RNF150: variants seen among roughly 807,000 people sequenced by gnomAD.
The protein encoded by RNF150 is ring finger protein 150.
Under a neutral mutation model 39.3 loss-of-function variants are expected in RNF150, and 24 were observed. The observed-to-expected ratio is 0.61, with a 90% CI of 0.44 to 0.86. RNF150 has a LOEUF of 0.86. Ranked by LOEUF, RNF150 falls within the 40% of genes least tolerant of loss-of-function variation. The pLI is 0.00. For missense variants in RNF150, 502 were observed against 587.8 expected, an observed-to-expected ratio of 0.85 and a Z score of 1.51; for synonymous variants, 255 against 227.3, an observed-to-expected ratio of 1.12 and a Z score of -1.10.
At chr4:141,147,729 G>A (rs1727226562) in intron 1 of RNF150, among the ~76,000 whole-genome samples, 1 of 152,126 alleles carries the variant, frequency 6.6e-6, no homozygotes, top group East Asian at 1.9e-4. Flanking sequence ...TTAGAGCATA[G>A]CTGAGAGAGA....
At chr4:141,175,289 T>C (rs755199389) in intron 1 of RNF150, among the ~76,000 whole-genome samples, 2 of 152,238 alleles carry the variant, frequency 1.3e-5, no homozygotes, top group Admixed American at 1.3e-4. Flanking sequence ...CCAGGCACTG[T>C]TCTTGGACTG....
intron 6 of RNF150, among the ~76,000 whole-genome samples, chr4:140,893,512 C>T (rs1729832148): frequency 6.6e-6 from 1 of 152,166 alleles, no homozygotes; most frequent in African/African-American, 2.4e-5. Context: ...GCAGCGAGCT[C>T]AAGTGTTTCA....
At chr4:141,100,559 G>A (rs551637181) in intron 1 of RNF150, among the ~76,000 whole-genome samples, 1 of 152,114 alleles carries the variant, frequency 6.6e-6, no homozygotes, top group Non-Finnish European at 1.5e-5. Flanking sequence ...CGGTTTTATT[G>A]CATCCTTTCC....
At position 140,875,476 on chromosome 4, in the gene RNF150, C is replaced by CTCAAATAA. The variant is rs1729120207; in HGVS notation, c.1199-7098_1199-7097insTTATTTGA. On this transcript the variant is annotated intron_variant, in intron 6 of 6. Coordinates refer to ENST00000515673, the MANE Select transcript of RNF150 (RefSeq NM_020724.2). ...CAGGGGTGAGCCACCATACCTGGCCCATAATCTGTTCTTGAGTTGAGATTC... is the reference window on the plus strand; with the variant it reads ...CAGGGGTGAGCCACCATACCTGGCCCTCAAATAAATAATCTGTTCTTGAGTTGAGATTC... 2.6e-5 allele frequency among the ~76,000 whole-genome samples: 4 copies of CTCAAATAA among 152,256 alleles called. No homozygotes were observed. The South Asian group carries it at 8.3e-4, about 32-fold the overall frequency.
intron 1 of RNF150, among the ~76,000 whole-genome samples, chr4:141,110,865 T>C (rs1295356563): frequency 6.6e-6 from 1 of 152,164 alleles, no homozygotes; most frequent in Non-Finnish European, 1.5e-5. Flanking sequence ...TTATATTTTC[T>C]CTCCTGCAAC....
At chr4:140,941,430 A>G (rs908092438) in intron 4 of RNF150, among the ~76,000 whole-genome samples, 66 of 152,212 alleles carry the variant, frequency 4.3e-4, no homozygotes, top group African/African-American at 1.5e-3. Context: ...GAAATAGTGC[A>G]TGTTTTTAGT....
chr4:140,881,414 T>G (rs1729368635), intron 6 of RNF150, among the ~76,000 whole-genome samples: 1 of 152,232 alleles, frequency 6.6e-6, no homozygotes, highest in South Asian at 2.1e-4. Context: ...TCCATCTGCC[T>G]CAGCCTCCCA....
intron 1 of RNF150, among the ~76,000 whole-genome samples, chr4:141,164,260 G>A (rs1335140250): frequency 1.3e-5 from 2 of 151,566 alleles, no homozygotes; most frequent in Non-Finnish European, 2.9e-5. Context: ...AGAGAAAAAA[G>A]AATGAAAAGG....
Position 141,149,572 on chromosome 4 carries a change from C to T in RNF150, c.-6+63222G>A, listed in dbSNP as rs1026879062. On this transcript the variant is annotated intron_variant, in intron 1 of 7. Coordinates refer to the RNF150 transcript ENST00000420921. Reference sequence around the variant, plus strand: ...TGATGCAAATGCCATTATTTTGTTCCTTTATATGGCTGAGTACTATTCCAT... The same window carrying T: ...TGATGCAAATGCCATTATTTTGTTCTTTTATATGGCTGAGTACTATTCCAT... 3.4e-4 allele frequency among the ~76,000 whole-genome samples: 51 copies of T among 152,234 alleles called. No individual in the cohort carries two copies. In the Middle Eastern group the frequency reaches 0.01, roughly 30 times the overall value.
intron 1 of RNF150, among the ~76,000 whole-genome samples, chr4:141,138,527 T>A (rs1727064363): frequency 6.6e-6 from 1 of 152,214 alleles, no homozygotes; most frequent in African/African-American, 2.4e-5. Flanking sequence ...ATTATTTTTT[T>A]AATCAATTTT....
intron 1 of RNF150, among the ~76,000 whole-genome samples, chr4:141,141,326 T>C (rs1394301247): frequency 6.6e-6 from 1 of 152,228 alleles, no homozygotes; most frequent in Non-Finnish European, 1.5e-5. Context: ...ATTCTGTTAA[T>C]GAGGTCATGT....
Position 140,933,103 on chromosome 4 carries a change from A to G in RNF150, c.891-7030T>C, listed in dbSNP as rs1447083806. Among the ~76,000 whole-genome samples, 5 of 152,208 alleles carry G rather than the reference A, an allele frequency of 3.3e-5. No homozygotes were observed. The South Asian group carries it at 8.3e-4, about 25-fold the overall frequency. The stretch of plus-strand genomic sequence containing the variant: ...TGCTTCATTAGTAAGTGTTCAGGGG[A>G]TAATGGTAATATTAACTATTTTAAA... On this transcript the variant is annotated intron_variant, in intron 4 of 6. Transcript: ENST00000515673.
chr4:141,075,801 T>A (rs1447671566), intron 1 of RNF150, among the ~76,000 whole-genome samples: 1 of 152,178 alleles, frequency 6.6e-6, no homozygotes, highest in Non-Finnish European at 1.5e-5. Flanking sequence ...TAGCAGAAGA[T>A]AATTTTCTCA....
chr4:141,212,594 AT>A (rs1728488362), intron 1 of RNF150, among the ~76,000 whole-genome samples: 1 of 152,016 alleles, frequency 6.6e-6, no homozygotes, highest in Non-Finnish European at 1.5e-5. Context: ...GTGTGGCAAG[AT>A]TTTTTTCTAA....
At chr4:141,086,127 G>A (rs1180811585) in intron 1 of RNF150, among the ~76,000 whole-genome samples, 1 of 151,920 alleles carries the variant, frequency 6.6e-6, no homozygotes, top group African/African-American at 2.4e-5. Flanking sequence ...TTGCCAAGGG[G>A]TGGGAGAAGA....
intron 1 of RNF150, among the ~76,000 whole-genome samples, chr4:141,045,559 TTGAAACG>T (rs1736543493): frequency 1.3e-5 from 2 of 152,140 alleles, no homozygotes; most frequent in African/African-American, 4.8e-5. Context: ...TATTTATTTT[TTGAAACG>T]GAGTTTCGTT....
intron 1 of RNF150, among the ~76,000 whole-genome samples, chr4:141,005,112 C>T (rs1734814914): frequency 6.6e-6 from 1 of 152,116 alleles, no homozygotes; most frequent in Admixed American, 6.5e-5. Context: ...AGTATGACCC[C>T]ATGATTTCTG....
intron 1 of RNF150, among the ~76,000 whole-genome samples, chr4:141,157,739 A>C (rs959404625): frequency 2.6e-5 from 4 of 152,194 alleles, no homozygotes; most frequent in African/African-American, 9.6e-5. Context: ...TCCTATTTGC[A>C]ACGTGCATTA....
At chr4:141,039,224 T>C (rs1736264979) in intron 1 of RNF150, among the ~76,000 whole-genome samples, 1 of 152,076 alleles carries the variant, frequency 6.6e-6, no homozygotes, top group African/African-American at 2.4e-5. Context: ...GAAATCTAAG[T>C]AGAGAACGCA....
Sources: allele counts gnomAD v4.1 joint callset (sites outside exome capture counted in the v4.1 genomes callset), GRCh38; gene constraint gnomAD v4.1.1; transcripts MANE v1.5; gene names NCBI Gene and HGNC (gene_info 2026-07-23, HGNC 2026-07-21).